Variants in ROBO2 observed in about 807,000 individuals in gnomAD.
ROBO2 encodes the protein roundabout homolog 2.
ROBO2 carries 53 observed loss-of-function variants against 160.8 expected under a neutral mutation model. The observed-to-expected ratio is 0.33, with a 90% CI of 0.26 to 0.41. ROBO2 has a LOEUF of 0.41. Ranked by LOEUF, ROBO2 falls within the 10% of genes least tolerant of loss-of-function variation. The pLI, the probability that ROBO2 is intolerant of heterozygous loss-of-function variation, is 1.00. For synonymous variants in ROBO2, 664 were observed against 611.7 expected (o/e 1.09, Z -1.26); for missense variants, 1,577 against 1,722.4 (o/e 0.92, Z 1.49).
At chr3:77,315,183 C>A (rs2063869093) in intron 2 of ROBO2, among the ~76,000 whole-genome samples, 1 of 152,142 alleles carries the variant, frequency 6.6e-6, no homozygotes, top group African/African-American at 2.4e-5. Context: ...GAACTTGGAA[C>A]TACACAAAGG....
intron 2 of ROBO2, among the ~76,000 whole-genome samples, chr3:76,135,407 A>T (rs910557863): frequency 6.6e-6 from 1 of 152,084 alleles, no homozygotes; most frequent in Non-Finnish European, 1.5e-5. Flanking sequence ...CACTCTCTTT[A>T]ATGGTTGAGG....
At chr3:77,485,450 C>A (rs1297832895) in intron 4 of ROBO2, among the ~76,000 whole-genome samples, 2 of 151,778 alleles carry the variant, frequency 1.3e-5, no homozygotes, top group African/African-American at 4.8e-5. Context: ...TTTTTCTTTT[C>A]TTCCCAAATG....
intron 2 of ROBO2, among the ~76,000 whole-genome samples, chr3:77,445,958 A>G (rs1231413011): frequency 6.6e-6 from 1 of 151,996 alleles, no homozygotes; most frequent in Non-Finnish European, 1.5e-5. Context: ...ACCCTGAGGC[A>G]TTGACTCATT....
intron 5 of ROBO2, among the ~76,000 whole-genome samples, chr3:77,509,020 A>G (rs2088997913): frequency 6.6e-6 from 1 of 152,108 alleles, no homozygotes; most frequent in African/African-American, 2.4e-5. Context: ...AGTGTAGTGT[A>G]TGTCAAAATG....
intron 2 of ROBO2, among the ~76,000 whole-genome samples, chr3:77,013,658 A>C (rs1478366923): frequency 6.6e-6 from 1 of 151,890 alleles, no homozygotes; most frequent in Non-Finnish European, 1.5e-5. Context: ...ATTGCCTTTA[A>C]AAAAAAATCC....
chr3:76,807,192 T>C (rs1463287576), intron 2 of ROBO2, among the ~76,000 whole-genome samples: 1 of 152,070 alleles, frequency 6.6e-6, no homozygotes, highest in Non-Finnish European at 1.5e-5. Flanking sequence ...CTGAGTTCTA[T>C]CAAATGGTTG....
At chr3:77,595,232 C>T in intron 18 of ROBO2, 48 bp downstream of exon 19, 2 of 1,382,132 alleles carry the variant, frequency 1.4e-6, no homozygotes, top group Admixed American at 1.7e-5. Context: ...TTAATCAGGA[C>T]TGGGGAAACT....
chr3:77,609,791 C>CATATATATATATATATATATATAT (rs34908269), intron 21 of ROBO2, among the ~76,000 whole-genome samples: 17 of 143,694 alleles, frequency 1.2e-4, no homozygotes, highest in African/African-American at 4.3e-4. Flanking sequence ...TTTATATATA[C>CATATATATATATATATATATATAT]ATATATATAT....
At chr3:76,821,979 A>C (rs1321134816) in intron 2 of ROBO2, among the ~76,000 whole-genome samples, 2 of 152,030 alleles carry the variant, frequency 1.3e-5, no homozygotes, top group Non-Finnish European at 2.9e-5. Flanking sequence ...ATTCTTAAAT[A>C]ATGAAACTCC....
At chr3:77,476,335 C>T (rs1357871454) in intron 2 of ROBO2, among the ~76,000 whole-genome samples, 1 of 151,426 alleles carries the variant, frequency 6.6e-6, no homozygotes, top group African/African-American at 2.4e-5. Context: ...ATGTTGATTT[C>T]AAACAGCTTG....
chr3:76,858,097 T>TAGCACTCGCTAGTACACTCCCAGCAC (rs1444364211), intron 2 of ROBO2, among the ~76,000 whole-genome samples: 11 of 151,414 alleles, frequency 7.3e-5, no homozygotes, highest in Admixed American at 4.0e-4. Flanking sequence ...GCTCCCAGCA[T>TAGCACTCGCTAGTACACTCCCAGCAC]AGCACTCGCT....
chr3:77,565,892 C>G (rs2093465634), intron 12 of ROBO2, among the ~76,000 whole-genome samples: 2 of 151,954 alleles, frequency 1.3e-5, no homozygotes, highest in Non-Finnish European at 2.9e-5. Context: ...TCACTGGAGT[C>G]TGAGGTTTAA....
At chr3:77,003,618 T>TGGA (rs1253939259) in intron 2 of ROBO2, among the ~76,000 whole-genome samples, 1 of 152,142 alleles carries the variant, frequency 6.6e-6, no homozygotes, top group Non-Finnish European at 1.5e-5. Context: ...TGGAGGGCAA[T>TGGA]GGTGCGATAT....
At chr3:76,680,768 T>C (rs1394041132) in intron 2 of ROBO2, among the ~76,000 whole-genome samples, 2 of 152,066 alleles carry the variant, frequency 1.3e-5, no homozygotes, top group African/African-American at 4.8e-5. Flanking sequence ...ATTTATATTT[T>C]ATTTTTATTT....
chr3:77,043,030 G>A (rs775137868), intron 1 of ROBO2, among the ~76,000 whole-genome samples: 10 of 152,174 alleles, frequency 6.6e-5, no homozygotes, highest in South Asian at 2.1e-4. Flanking sequence ...TAAATCATAC[G>A]TTTGACATTG....
rs572011920 is a variant in ROBO2, at chr3:77,537,028, A to G, written c.935-9310A>G. Among the ~76,000 whole-genome samples, 421 of 147,936 alleles carry G rather than the reference A, an allele frequency of 2.8e-3. 3 individuals are homozygous for G. The highest frequency in any genetic ancestry group is 1.0e-2 in the African/African-American group (406 of 40,668). On this transcript the variant is annotated intron_variant, in intron 6 of 25. Coordinates refer to ENST00000461745, the Ensembl canonical transcript of ROBO2. ...TTTACATTGTGGCATTTCAGGCAGGAGCACATTATGTGTGACTCTAAGTGA... is the reference window on the plus strand; with the variant it reads ...TTTACATTGTGGCATTTCAGGCAGGGGCACATTATGTGTGACTCTAAGTGA...
intron 2 of ROBO2, among the ~76,000 whole-genome samples, chr3:76,294,324 C>A (rs1189894604): frequency 2.0e-5 from 3 of 152,046 alleles, no homozygotes; most frequent in Non-Finnish European, 4.4e-5. Context: ...AGAGCTCCGG[C>A]CTATTCTCAG....
intron 2 of ROBO2, among the ~76,000 whole-genome samples, chr3:76,123,299 T>C (rs1178370184): frequency 6.6e-6 from 1 of 152,180 alleles, no homozygotes; most frequent in Non-Finnish European, 1.5e-5. Context: ...AAAACAGTCA[T>C]TTTACATATC....
intron 2 of ROBO2, among the ~76,000 whole-genome samples, chr3:76,593,819 T>C (rs1014170295): frequency 6.6e-6 from 1 of 151,972 alleles, no homozygotes; most frequent in Non-Finnish European, 1.5e-5. Context: ...TTGGAGATGT[T>C]TTACTAGATG....
Sources: allele counts gnomAD v4.1 joint callset (sites outside exome capture counted in the v4.1 genomes callset), GRCh38; gene constraint gnomAD v4.1.1; transcripts MANE v1.5; gene names NCBI Gene and HGNC (gene_info 2026-07-23, HGNC 2026-07-21).